The following SVEP1 variants were observed in gnomAD, a reference collection of about 807,000 sequenced individuals.
SVEP1 encodes sushi, von Willebrand factor type A, EGF and pentraxin domain-containing protein 1.
SVEP1 carries 164 observed loss-of-function variants against 367.3 expected under a neutral mutation model. That is an observed-to-expected ratio of 0.45 (90% CI 0.39 to 0.51). The LOEUF (loss-of-function observed/expected upper bound fraction) is 0.51. SVEP1 is among the 20% of genes least tolerant of loss of function. The pLI is 0.00. For synonymous variants in SVEP1, 1,666 were observed against 1,611.6 expected (o/e 1.03, Z -0.81); for missense variants, 4,117 against 4,425.3 (o/e 0.93, Z 1.98).
intron 24 of SVEP1, among the ~76,000 whole-genome samples, chr9:110,449,012 T>G (rs1828649961): frequency 6.6e-6 from 1 of 152,220 alleles, no homozygotes; most frequent in African/African-American, 2.4e-5. Flanking sequence ...TGGTTTTTAC[T>G]TTTGCAAACT....
rs1829019265 is a variant in SVEP1 at position 110,471,606 on chromosome 9, A to G, written c.2765-9T>C. On this transcript the variant is annotated splice_polypyrimidine_tract_variant and intron_variant, in intron 15 of 47. Transcript: ENST00000374469. ...GGGTAATGGCACACTAGCTGAGATAAAAACAAAATAAAACACAACACAAAC... is the reference window on the plus strand; with the variant it reads ...GGGTAATGGCACACTAGCTGAGATAGAAACAAAATAAAACACAACACAAAC... 6.3e-7 allele frequency: 1 copy of G among 1,583,808 alleles called. No individual in the cohort carries two copies. The highest frequency in any genetic ancestry group is 8.7e-7 in the Non-Finnish European group (1 of 1,155,924).
intron 40 of SVEP1, among the ~76,000 whole-genome samples, chr9:110,398,316 C>G (rs1280899055): frequency 6.6e-6 from 1 of 152,132 alleles, no homozygotes; most frequent in Non-Finnish European, 1.5e-5. Context: ...TGGATCCCTT[C>G]CTTACACCTT....
rs531754332 is a variant in SVEP1 at position 110,503,270 on chromosome 9, A to T, written c.1304-53T>A. 1.1e-5 allele frequency: 17 copies of T among 1,542,102 alleles called. No homozygotes were observed. In the East Asian group the frequency reaches 3.8e-4, roughly 35 times the overall value. On this transcript the variant is annotated intron_variant, in intron 5 of 47. Transcript: ENST00000374469. ...CATTTTGCTAAATAAGGATAAAAAT[A>T]ATAATTACAAGTTTAGCAATGCCTG... is the stretch of plus-strand genomic sequence containing the variant.
intron 44 of SVEP1, among the ~76,000 whole-genome samples, chr9:110,378,847 C>A (rs34150201): frequency 0.13 from 19,589 of 150,908 alleles, 1,403 homozygotes; most frequent in African/African-American, 0.17. Flanking sequence ...ACCAACATGG[C>A]ACATGTAGAC....
At chr9:110,413,921 G>T (rs1828081208) in intron 36 of SVEP1, among the ~76,000 whole-genome samples, 1 of 152,008 alleles carries the variant, frequency 6.6e-6, no homozygotes, top group African/African-American at 2.4e-5. Context: ...TAGATGTAAT[G>T]ATTTCTTCAT....
Position 110,471,568 on chromosome 9 carries a change from C to T in SVEP1, c.2794G>A (p.Asp932Asn). 1.2e-6 allele frequency: 2 copies of T among 1,613,680 alleles called. No homozygotes were observed. Among genetic ancestry groups the T allele is most frequent in the Non-Finnish European group, 1.7e-6 (2 of 1,179,750 alleles). Residue 932 changes from aspartate (D) to asparagine (N), a missense_variant, in exon 16 of 48, where the codon GAT becomes AAT. Coordinates refer to ENST00000374469, the MANE Select transcript of SVEP1 (RefSeq NM_153366.4). ...ASVPLPDERN[D>N]TLEWENQQRL... is the part of the protein sequence containing the mutation. Reference sequence around the variant, plus strand: ...TGCTGATTTTCCCATTCAAGGGTATCATTTCTTTCATCGGGTAATGGCACA... The same window carrying T: ...TGCTGATTTTCCCATTCAAGGGTATTATTTCTTTCATCGGGTAATGGCACA...
intron 3 of SVEP1, among the ~76,000 whole-genome samples, chr9:110,541,477 T>C (rs1367573929): frequency 1.3e-5 from 2 of 152,128 alleles, no homozygotes; most frequent in African/African-American, 4.8e-5. Context: ...CACTGGTGAA[T>C]GCACAGGATA....
At chr9:110,437,488 C>T (rs7865430) in intron 27 of SVEP1, among the ~76,000 whole-genome samples, 34,947 of 152,054 alleles carry the variant, frequency 0.23, 4,526 homozygotes, top group East Asian at 0.4. Flanking sequence ...CTGCCAGGAG[C>T]CTGACTTGAT....
chr9:110,439,427 C>T (rs1444098537), intron 27 of SVEP1, among the ~76,000 whole-genome samples: 1 of 152,058 alleles, frequency 6.6e-6, no homozygotes, highest in East Asian at 1.9e-4. Context: ...GAGTGTCACT[C>T]TTGTTGCCCA....
intron 47 of SVEP1, among the ~76,000 whole-genome samples, chr9:110,369,267 A>T (rs1403419760): frequency 6.6e-6 from 1 of 152,168 alleles, no homozygotes; most frequent in Non-Finnish European, 1.5e-5. Flanking sequence ...TTTCCCTTTG[A>T]CTTGTGATAG....
chr9:110,488,256 T>C (rs1291875956), intron 9 of SVEP1, among the ~76,000 whole-genome samples: 1 of 152,090 alleles, frequency 6.6e-6, no homozygotes, highest in Non-Finnish European at 1.5e-5. Flanking sequence ...CTGTGAGACA[T>C]TAATATGGGG....
At position 110,550,062 on chromosome 9, in the gene SVEP1, A is replaced by G. The variant is rs747681608; in HGVS notation, c.574T>C (p.Phe192Leu). 1 of 1,614,016 alleles carries G rather than the reference A, an allele frequency of 6.2e-7. No homozygotes were observed. Among genetic ancestry groups the G allele is most frequent in the Non-Finnish European group, 8.5e-7 (1 of 1,179,864 alleles). The change falls in exon 2 of 48, where the codon TTT becomes CTT. Residue 192 changes from phenylalanine (F) to leucine (L), a missense_variant. Phe to Leu is a conservative substitution (Grantham distance 22, BLOSUM62 0). Coordinates refer to ENST00000374469, the MANE Select transcript of SVEP1 (RefSeq NM_153366.4). ...TTGGAATATCCATCAGTGATGAGAA[A>G]TACAACTTTTGTTGAGTTTTCTCTA... The part of the protein sequence containing the change: ...HARENSTKVV[F>L]LITDGYSNGG...
intron 3 of SVEP1, among the ~76,000 whole-genome samples, chr9:110,520,393 G>A (rs1356262506): frequency 6.6e-6 from 1 of 152,110 alleles, no homozygotes; most frequent in Admixed American, 6.6e-5. Context: ...TTTAATATGC[G>A]ATGTTTCCTT....
At chr9:110,380,428 TC>T (rs1382691685) in intron 43 of SVEP1, among the ~76,000 whole-genome samples, 1 of 152,132 alleles carries the variant, frequency 6.6e-6, no homozygotes, top group Non-Finnish European at 1.5e-5. Flanking sequence ...TAAAATTTTT[TC>T]CCCTCTAAGG....
chr9:110,545,512 T>C (rs961959382), intron 3 of SVEP1, among the ~76,000 whole-genome samples: 4 of 152,180 alleles, frequency 2.6e-5, no homozygotes, highest in South Asian at 2.1e-4. Context: ...TGCACTTTTG[T>C]GGAGGCTCCT....
Position 110,375,468 on chromosome 9 carries a change from A to T in SVEP1, c.10505-5T>A. Reference sequence around the variant, plus strand: ...GACAGGGAAGAATGCAGATTGCTAAAAAAAAAAAAAAAAAAAAAAAAAGGA... The same window carrying T: ...GACAGGGAAGAATGCAGATTGCTAATAAAAAAAAAAAAAAAAAAAAAAGGA... On this transcript the variant is annotated splice_polypyrimidine_tract_variant and splice_region_variant and intron_variant, in intron 45 of 47. Coordinates refer to ENST00000374469, the MANE Select transcript of SVEP1 (RefSeq NM_153366.4). 3.4e-6 allele frequency: 3 copies of T among 882,906 alleles called. No homozygotes were observed. Among genetic ancestry groups the T allele is most frequent in the Non-Finnish European group, 4.3e-6 (3 of 689,850 alleles). 54.7% of individuals were successfully genotyped at this position (882,906 alleles called of 1,614,324 possible).
chr9:110,560,374 C>T (rs986900499), intron 1 of SVEP1, among the ~76,000 whole-genome samples: 1 of 152,188 alleles, frequency 6.6e-6, no homozygotes, highest in African/African-American at 2.4e-5. Flanking sequence ...TTAAGCAATG[C>T]ATGACTGTAC....
At position 110,406,419 on chromosome 9, in the gene SVEP1, G is replaced by A; in HGVS notation, c.9181C>T (p.His3061Tyr). The change falls in exon 38 of 48, where the codon CAC becomes TAC. Residue 3061 changes from histidine to tyrosine, a missense_variant. This residue lies in a region of SVEP1 where 1,765 missense variants were observed against 1,781.1 expected (regional missense o/e 0.99). Coordinates refer to ENST00000374469, the MANE Select transcript of SVEP1 (RefSeq NM_153366.4). ...ATTGGAAGAGAACCACAAGAAGTGT[G>A]TTCACAGTGGGGGAACCCAGAGCTC... ...QWSSGFPHCE[H>Y]TSCGSLPMIP... The A allele has an allele frequency of 1.2e-6, 2 of 1,614,034 alleles. No homozygotes were observed. The highest frequency in any genetic ancestry group is 1.7e-6 in the Non-Finnish European group (2 of 1,179,896).
intron 1 of SVEP1, among the ~76,000 whole-genome samples, chr9:110,561,972 A>C (rs1234200236): frequency 6.6e-6 from 1 of 152,178 alleles, no homozygotes; most frequent in East Asian, 1.9e-4. Context: ...TCAAAGAAGA[A>C]CTAAGTCTCA....
Sources: gnomAD v4.1 joint callset for allele counts (sites outside exome capture counted in the v4.1 genomes callset) on GRCh38, gnomAD v4.1.1 for gene constraint, gnomAD v4.1.1 regional missense constraint, MANE v1.5 for transcripts, NCBI Gene and HGNC (gene_info 2026-07-23, HGNC 2026-07-21) for gene names.